The following CFAP77 variants were observed in gnomAD, a reference collection of about 807,000 sequenced individuals.
CFAP77 encodes the protein cilia- and flagella-associated protein 77.
CFAP77 carries 25 observed loss-of-function variants against 31.1 expected under a neutral mutation model. That is an observed-to-expected ratio of 0.80 (90% CI 0.59 to 1.12). CFAP77 has a LOEUF of 1.12. Among genes scored for constraint, CFAP77 ranks in the 50% most tolerant of loss-of-function variants. The pLI, the probability that CFAP77 is intolerant of heterozygous loss-of-function variation, is 0.00. For missense variants in CFAP77, 377 were observed against 397.3 expected (o/e 0.95, Z 0.44); for synonymous variants, 151 against 159.9 (o/e 0.94, Z 0.42).
chr9:132,470,006 A>C (rs1286765527), intron 1 of CFAP77, among the ~76,000 whole-genome samples: 1 of 151,878 alleles, frequency 6.6e-6, no homozygotes, highest in African/African-American at 2.4e-5. Flanking sequence ...CACCCGGCTA[A>C]TTTTGTGTTT....
chr9:132,410,261 C>G lies in CFAP77; in HGVS notation c.-11C>G. ...ACCAGCCCGCGGGCCGGCTCCCCGG[C>G]GACCTCAAGGATGCCAGAGGCCAGG... On this transcript the variant is annotated 5_prime_UTR_variant, in exon 1 of 6. Transcript: ENST00000393216. 1.3e-6 allele frequency: 2 copies of G among 1,554,226 alleles called. No individual in the cohort carries two copies. Among genetic ancestry groups the G allele is most frequent in the Non-Finnish European group, 1.7e-6 (2 of 1,152,840 alleles).
intron 1 of CFAP77, among the ~76,000 whole-genome samples, chr9:132,488,086 G>A (rs891754612): frequency 6.6e-6 from 1 of 152,182 alleles, no homozygotes; most frequent in Non-Finnish European, 1.5e-5. Flanking sequence ...CAAAATGCAG[G>A]AGAGTGAGTG....
chr9:132,431,572 A>G (rs1850412282), intron 1 of CFAP77, among the ~76,000 whole-genome samples: 1 of 152,218 alleles, frequency 6.6e-6, no homozygotes. Context: ...GTGAAAATAC[A>G]ATGTCTGAGG....
At chr9:132,468,791 G>A (rs200817903) in intron 1 of CFAP77, among the ~76,000 whole-genome samples, 9 of 148,580 alleles carry the variant, frequency 6.1e-5, no homozygotes, top group South Asian at 4.3e-4. Context: ...ACACACACAC[G>A]CACACACACA....
At position 132,480,835 on chromosome 9, in the gene CFAP77, C is replaced by T. The variant is rs982837196; in HGVS notation, c.196-17860C>T. On this transcript the variant is annotated intron_variant, in intron 1 of 5. Coordinates refer to ENST00000393216, the MANE Select transcript of CFAP77 (RefSeq NM_001282957.2). This position sits in a 1 kb window ranked among gnomAD's most constrained non-coding sequence, Gnocchi z 5.8. ...GAAAGTTCCAGGAGCCGAAAGAAGG[C>T]CCAGGGCAGAAAGCGGACGGTGAGC... Among the ~76,000 whole-genome samples the T allele has an allele frequency of 2.0e-5, 3 of 152,054 alleles. No homozygotes were observed. Among genetic ancestry groups the T allele is most frequent in the African/African-American group, 7.2e-5 (3 of 41,396 alleles).
At chr9:132,521,137 C>G (rs898055427) in intron 3 of CFAP77, among the ~76,000 whole-genome samples, 1 of 151,834 alleles carries the variant, frequency 6.6e-6, no homozygotes, top group African/African-American at 2.4e-5. Context: ...TGGCCGGGCT[C>G]TCTGTTCTCC....
chr9:132,418,113 G>A (rs139361943), intron 1 of CFAP77, among the ~76,000 whole-genome samples: 281 of 152,326 alleles, frequency 1.8e-3, no homozygotes, highest in African/African-American at 6.4e-3. Context: ...TAACGTGGTC[G>A]GATTCAAATG....
At chr9:132,522,512 C>T (rs368644894) in intron 3 of CFAP77, among the ~76,000 whole-genome samples, 4 of 152,110 alleles carry the variant, frequency 2.6e-5, no homozygotes, top group Non-Finnish European at 4.4e-5. Context: ...GGGCTCTCCG[C>T]CTGGGGCAAA....
intron 5 of CFAP77, among the ~76,000 whole-genome samples, chr9:132,566,151 T>G (rs1166932459): frequency 6.6e-6 from 1 of 152,036 alleles, no homozygotes. Context: ...AGGCTCCTCA[T>G]GTGTGGCTGG....
intron 3 of CFAP77, among the ~76,000 whole-genome samples, chr9:132,521,869 C>T (rs574273708): frequency 6.7e-6 from 1 of 149,220 alleles, no homozygotes; most frequent in Non-Finnish European, 1.5e-5. Flanking sequence ...CGGGTTCAAG[C>T]GACTCCCCTG....
At chr9:132,412,300 G>T (rs948388573) in intron 1 of CFAP77, among the ~76,000 whole-genome samples, 4 of 152,328 alleles carry the variant, frequency 2.6e-5, no homozygotes, top group African/African-American at 9.6e-5. Context: ...TGATGATGGA[G>T]CCTGGGGTTC....
At chr9:132,549,161 C>A (rs1852782596) in intron 5 of CFAP77, among the ~76,000 whole-genome samples, 1 of 152,202 alleles carries the variant, frequency 6.6e-6, no homozygotes, top group Admixed American at 6.5e-5. Context: ...TGCTACACCC[C>A]CCAAGCGGGC....
chr9:132,482,538 T>C, intron 1 of CFAP77: 1 of 723,242 alleles, frequency 1.4e-6, no homozygotes, highest in Non-Finnish European at 2.4e-6. Flanking sequence ...CTCCATGGTC[T>C]CGTCTAAATG....
intron 1 of CFAP77, among the ~76,000 whole-genome samples, chr9:132,417,904 T>A (rs1850133912): frequency 6.6e-6 from 1 of 152,034 alleles, no homozygotes; most frequent in African/African-American, 2.4e-5. Context: ...CTGCTCTCAC[T>A]GAAAAATACT....
At chr9:132,561,927 G>A (rs960997772) in intron 5 of CFAP77, among the ~76,000 whole-genome samples, 2 of 152,218 alleles carry the variant, frequency 1.3e-5, no homozygotes, top group African/African-American at 4.8e-5. Flanking sequence ...GAAGGCTGGT[G>A]CCGCCTCGCA....
chr9:132,512,943 A>T (rs1852064962), intron 3 of CFAP77, among the ~76,000 whole-genome samples: 1 of 152,190 alleles, frequency 6.6e-6, no homozygotes, highest in Non-Finnish European at 1.5e-5. Context: ...GTAAAACTCC[A>T]TTTCAAATAA....
At chr9:132,496,567 A>G (rs1246807991) in intron 1 of CFAP77, among the ~76,000 whole-genome samples, 5 of 152,162 alleles carry the variant, frequency 3.3e-5, no homozygotes, top group South Asian at 2.1e-4. Flanking sequence ...TGTTCTGGAC[A>G]TTTATGTAGA....
intron 1 of CFAP77, among the ~76,000 whole-genome samples, chr9:132,446,327 G>A (rs556220459): frequency 5.3e-5 from 8 of 152,162 alleles, no homozygotes; most frequent in East Asian, 3.9e-4. Flanking sequence ...TCTCTGAGTC[G>A]TCTGGTCATG....
At chr9:132,443,658 C>T (rs1850657018) in intron 1 of CFAP77, among the ~76,000 whole-genome samples, 1 of 152,160 alleles carries the variant, frequency 6.6e-6, no homozygotes, top group African/African-American at 2.4e-5. Context: ...TGGATTATGT[C>T]AGTTATTGTC....
Sources: gnomAD v4.1 joint callset for allele counts (sites outside exome capture counted in the v4.1 genomes callset) on GRCh38, gnomAD v4.1.1 for gene constraint, Gnocchi (gnomAD v3.1) non-coding constraint, MANE v1.5 for transcripts, NCBI Gene and HGNC (gene_info 2026-07-23, HGNC 2026-07-21) for gene names.